The following IQGAP2 variants were observed in gnomAD, a reference collection of about 807,000 sequenced individuals.
The protein encoded by IQGAP2 is IQ motif containing GTPase activating protein 2.
A neutral mutation model predicts 201.3 loss-of-function variants in IQGAP2; 173 were observed. The observed-to-expected ratio is 0.86, with a 90% confidence interval of 0.76 to 0.98. IQGAP2 has a LOEUF of 0.98. Among genes scored for constraint, IQGAP2 ranks in the 50% least tolerant of loss-of-function variants. The pLI is 0.00. For missense variants in IQGAP2, 1,687 were observed against 1,864.8 expected (o/e 0.90, Z 1.76); for synonymous variants, 675 against 673.9 (o/e 1.00, Z -0.03).
At chr5:76,468,990 T>A (rs993652141) in intron 2 of IQGAP2, among the ~76,000 whole-genome samples, 2 of 152,214 alleles carry the variant, frequency 1.3e-5, no homozygotes, top group Admixed American at 1.3e-4. Flanking sequence ...TGGATCAGTA[T>A]CATTCGCTAC....
intron 2 of IQGAP2, among the ~76,000 whole-genome samples, chr5:76,516,938 A>T (rs1405971601): frequency 1.3e-5 from 2 of 152,200 alleles, no homozygotes; most frequent in Admixed American, 6.6e-5. Context: ...ATTTGTAAGT[A>T]CTTGTTTTAA....
chr5:76,522,372 G>A (rs1038132013), intron 2 of IQGAP2, among the ~76,000 whole-genome samples: 1 of 151,944 alleles, frequency 6.6e-6, no homozygotes, highest in African/African-American at 2.4e-5. Flanking sequence ...TAGTAGAGAT[G>A]GAGTTTCGCC....
chr5:76,418,417 G>C (rs1277809326), intron 1 of IQGAP2, among the ~76,000 whole-genome samples: 1 of 151,932 alleles, frequency 6.6e-6, no homozygotes, highest in Non-Finnish European at 1.5e-5. Context: ...CTGAATTGAG[G>C]CTGGACCCGG....
chr5:76,553,314 T>C lies in IQGAP2; in HGVS notation c.147-9082T>C, dbSNP rs748899314. ...GTCTTATGTGCTGATTTTTAAAATATTAAGGGAAAAATTGACTTGTGATAC... is the reference window on the plus strand; with the variant it reads ...GTCTTATGTGCTGATTTTTAAAATACTAAGGGAAAAATTGACTTGTGATAC... On this transcript the variant is annotated intron_variant, in intron 2 of 35. Coordinates refer to ENST00000274364, the MANE Select transcript of IQGAP2 (RefSeq NM_006633.5). 1.3e-3 allele frequency among the ~76,000 whole-genome samples: 193 copies of C among 152,342 alleles called. 1 individual carries two copies. Among genetic ancestry groups the C allele is most frequent in the Non-Finnish European group, 1.3e-3 (91 of 68,028 alleles).
chr5:76,422,050 G>C (rs934460691), intron 1 of IQGAP2, among the ~76,000 whole-genome samples: 1 of 152,166 alleles, frequency 6.6e-6, no homozygotes, highest in African/African-American at 2.4e-5. Flanking sequence ...ATTTCCCATT[G>C]ATTTTAAAGG....
At chr5:76,532,923 T>C (rs1032636406) in intron 2 of IQGAP2, among the ~76,000 whole-genome samples, 21 of 152,202 alleles carry the variant, frequency 1.4e-4, no homozygotes, top group African/African-American at 5.1e-4. Flanking sequence ...TGCCAGCACC[T>C]CTCTGTGTCT....
intron 1 of IQGAP2, among the ~76,000 whole-genome samples, chr5:76,407,130 T>C (rs991562649): frequency 3.3e-5 from 5 of 151,972 alleles, no homozygotes; most frequent in African/African-American, 1.2e-4. Flanking sequence ...CAGGCACACA[T>C]CACCACACCT....
At chr5:76,413,389 G>T (rs1751242980) in intron 1 of IQGAP2, among the ~76,000 whole-genome samples, 1 of 151,882 alleles carries the variant, frequency 6.6e-6, no homozygotes, top group African/African-American at 2.4e-5. Context: ...GGCTGCTCTT[G>T]AACTCCTGAC....
intron 2 of IQGAP2, among the ~76,000 whole-genome samples, chr5:76,499,692 C>G (rs1757171580): frequency 6.6e-6 from 1 of 152,188 alleles, no homozygotes; most frequent in Admixed American, 6.5e-5. Context: ...TAACTCAACT[C>G]TGGAGCAAGC....
At chr5:76,511,391 G>T (rs546143963) in intron 2 of IQGAP2, among the ~76,000 whole-genome samples, 1 of 152,184 alleles carries the variant, frequency 6.6e-6, no homozygotes, top group African/African-American at 2.4e-5. Flanking sequence ...GGCCAAGCTC[G>T]CTGGACCTGT....
chr5:76,478,537 C>T (rs1156882877), intron 2 of IQGAP2, among the ~76,000 whole-genome samples: 1 of 152,066 alleles, frequency 6.6e-6, no homozygotes, highest in Non-Finnish European at 1.5e-5. Context: ...GATCCGCCCA[C>T]CTTGGCCTCC....
At chr5:76,665,363 G>A (rs557407953) in intron 22 of IQGAP2, among the ~76,000 whole-genome samples, 188 bp downstream of exon 22, 12 of 152,262 alleles carry the variant, frequency 7.9e-5, no homozygotes, top group Non-Finnish European at 1.8e-4. Context: ...ATAACCCTGG[G>A]AGCCGTGAGA....
intron 20 of IQGAP2, among the ~76,000 whole-genome samples, chr5:76,656,896 TAAAAAAA>T (rs3839253): frequency 2.0e-5 from 3 of 150,822 alleles, no homozygotes; most frequent in Non-Finnish European, 4.4e-5. Flanking sequence ...TTTTCTAATT[TAAAAAAA>T]AAAATAACTT....
At chr5:76,408,364 G>A (rs1480134874) in intron 1 of IQGAP2, among the ~76,000 whole-genome samples, 3 of 152,110 alleles carry the variant, frequency 2.0e-5, no homozygotes, top group Non-Finnish European at 4.4e-5. Flanking sequence ...TGTTATCATC[G>A]GCTCATTATG....
chr5:76,543,917 A>T (rs1327129279), intron 2 of IQGAP2, among the ~76,000 whole-genome samples: 3 of 152,178 alleles, frequency 2.0e-5, no homozygotes, highest in Non-Finnish European at 4.4e-5. Context: ...TGTCTATGTC[A>T]ATACAGAACA....
chr5:76,554,269 CAT>C (rs1186361423), intron 2 of IQGAP2, among the ~76,000 whole-genome samples: 2 of 152,020 alleles, frequency 1.3e-5, no homozygotes, highest in Non-Finnish European at 2.9e-5. Flanking sequence ...AAATATATAA[CAT>C]ATAAAATACC....
In IQGAP2 at chr5:76,417,850, G is replaced by A. The variant is rs184667407; in HGVS notation, c.46+14259G>A. On this transcript the variant is annotated intron_variant, in intron 1 of 35. Transcript: ENST00000274364. ...GCCTCCCTCAGCCTCCTAAAGTGCT[G>A]GGATTACAGGCATGAACCATTGTGC... 4.4e-4 allele frequency among the ~76,000 whole-genome samples: 67 copies of A among 152,052 alleles called. 1 individual carries two copies. The highest frequency in any genetic ancestry group is 3.1e-3 in the Admixed American group (48 of 15,264).
At chr5:76,697,633 C>CT (rs1454701348) in intron 32 of IQGAP2, among the ~76,000 whole-genome samples, 1 of 151,800 alleles carries the variant, frequency 6.6e-6, no homozygotes, top group Non-Finnish European at 1.5e-5. Context: ...AAGACTATGT[C>CT]TAAAAAAAAA....
chr5:76,475,507 T>TGAAAGATAAA (rs1335809474), intron 2 of IQGAP2, among the ~76,000 whole-genome samples: 1 of 152,162 alleles, frequency 6.6e-6, no homozygotes, highest in Admixed American at 6.5e-5. Context: ...ACATTCTCTT[T>TGAAAGATAAA]CAAAGGCTTT....
Sources: allele counts gnomAD v4.1 joint callset (sites outside exome capture counted in the v4.1 genomes callset), GRCh38; gene constraint gnomAD v4.1.1; transcripts MANE v1.5; gene names NCBI Gene and HGNC (gene_info 2026-07-23, HGNC 2026-07-21).